SMARCA4: variants seen among roughly 807,000 people sequenced by gnomAD.
SMARCA4 encodes the protein SWI/SNF related BAF chromatin remodeling complex subunit ATPase 4.
A neutral mutation model predicts 193.9 loss-of-function variants in SMARCA4; 31 were observed. The ratio of observed to expected loss-of-function variants is 0.16; its 90% CI spans 0.12 to 0.22. The LOEUF (loss-of-function observed/expected upper bound fraction) is 0.22, where lower values mean the gene tolerates loss of function less well. Ranked by LOEUF, SMARCA4 falls within the 10% of genes least tolerant of loss-of-function variation. The probability of loss-of-function intolerance (pLI) is 1.00; values close to 1 mark genes in which losing one functional copy is unlikely to be tolerated. For synonymous variants in SMARCA4, 942 were observed against 933.1 expected (o/e 1.01, Z -0.17); for missense variants, 1,148 against 2,296.0 (o/e 0.50, Z 10.22).
At position 11,030,936 on chromosome 19, in the gene SMARCA4, T is replaced by C; in HGVS notation, c.3546+43T>C. On this transcript the variant is annotated intron_variant, in intron 25 of 34. Transcript: ENST00000344626. This position sits in a 1 kb window ranked among gnomAD's most constrained non-coding sequence, Gnocchi z 5.5. ...CCCAGGTCGAGGAGAAGGAAGGGGG[T>C]GCCTGCAAAACCTCGAGGAGACGGC... The C allele has an allele frequency of 3.2e-6, 5 of 1,585,040 alleles. No individual in the cohort carries two copies. The highest frequency in any genetic ancestry group is 4.3e-6 in the Non-Finnish European group (5 of 1,163,090).
intron 30 of SMARCA4, among the ~76,000 whole-genome samples, chr19:11,053,820 A>G (rs901528851): frequency 1.3e-5 from 2 of 152,122 alleles, no homozygotes; most frequent in Non-Finnish European, 2.9e-5. Flanking sequence ...CTGAAGCAGT[A>G]GGATCTCATG....
chr19:11,038,321 C>T (rs759063031), intron 29 of SMARCA4, among the ~76,000 whole-genome samples: 1 of 152,150 alleles, frequency 6.6e-6, no homozygotes, highest in African/African-American at 2.4e-5. Context: ...ATTTTTAAAA[C>T]TTAATCCCAA....
chr19:10,977,107 A>G (rs1262410069), intron 1 of SMARCA4, among the ~76,000 whole-genome samples: 1 of 152,146 alleles, frequency 6.6e-6, no homozygotes, highest in African/African-American at 2.4e-5. Context: ...GCAGCCGGCC[A>G]AATCTGTGTG....
intron 1 of SMARCA4, among the ~76,000 whole-genome samples, chr19:10,971,558 A>T: frequency 6.6e-6 from 1 of 150,804 alleles, no homozygotes; most frequent in Admixed American, 6.6e-5. Context: ...ACAGTGGTGC[A>T]ATCATAGCTC....
chr19:11,033,874 G>A lies in SMARCA4; in HGVS notation c.3873+9G>A, dbSNP rs756419673. ...AGGAGCCACCTCTAAAGGTGAGAGG[G>A]GTAGTTCAGTCTCCATGCCCATTCA... On this transcript the variant is annotated intron_variant, in intron 27 of 34. Coordinates refer to ENST00000344626, the MANE Select transcript of SMARCA4 (RefSeq NM_003072.5). This position sits in a 1 kb window ranked among gnomAD's most constrained non-coding sequence, Gnocchi z 9.8. The A allele has an allele frequency of 1.3e-6, 1 of 777,788 alleles. No individual in the cohort carries two copies. The highest frequency in any genetic ancestry group is 1.3e-5 in the South Asian group (1 of 74,534). The allele number at this position is 777,788 out of a possible 1,614,324, so 48.2% of individuals were successfully genotyped here. A position where few individuals can be genotyped will look rare whatever the true frequency, so the allele number is the denominator to read the frequency against.
Position 11,031,606 on chromosome 19 carries a change from A to G in SMARCA4, c.3546+713A>G, listed in dbSNP as rs1447309975. 6.6e-6 allele frequency: 1 copy of G among 152,400 alleles called. No homozygotes were observed. Among genetic ancestry groups the G allele is most frequent in the Non-Finnish European group, 1.5e-5 (1 of 68,254 alleles). The allele number at this position is 152,400 out of a possible 1,614,324, so 9.4% of individuals were successfully genotyped here. On this transcript the variant is annotated intron_variant, in intron 25 of 34. Coordinates refer to ENST00000344626, the MANE Select transcript of SMARCA4 (RefSeq NM_003072.5). This position sits in a 1 kb window ranked among gnomAD's most constrained non-coding sequence, Gnocchi z 4.3. ...TGGCCTAGCATGTGCCTCTTCCACC[A>G]AGCAGTGGGTGTCAACCGCCGAGTG...
At chr19:11,053,870 C>T (rs949046327) in intron 30 of SMARCA4, among the ~76,000 whole-genome samples, 1 of 152,116 alleles carries the variant, frequency 6.6e-6, no homozygotes, top group Non-Finnish European at 1.5e-5. Context: ...AGGATGGCAC[C>T]ACTGCACTCT....
At chr19:10,964,297 G>A (rs982126806) in intron 1 of SMARCA4, among the ~76,000 whole-genome samples, 62 of 151,922 alleles carry the variant, frequency 4.1e-4, no homozygotes, top group African/African-American at 1.5e-3. Context: ...GATGTCTGGT[G>A]GAACTTTCTT....
At chr19:11,023,765 C>T (rs1271852785) in intron 20 of SMARCA4, 134 bp downstream of exon 20, 5 of 707,762 alleles carry the variant, frequency 7.1e-6, no homozygotes, top group East Asian at 2.7e-5. Flanking sequence ...GTGGCGATGA[C>T]GCCACTGGGT....
At position 10,984,275 on chromosome 19, in the gene SMARCA4, A is replaced by G. The variant is rs1060502081; in HGVS notation, c.124A>G (p.Met42Val). ...TCCCTCGCCGGGCTCCGCCCACAGCATGATGGGGCCCAGCCCAGGGCCGCC... is the reference window on the plus strand; with the variant it reads ...TCCCTCGCCGGGCTCCGCCCACAGCGTGATGGGGCCCAGCCCAGGGCCGCC... ...PGPSPGSAHS[M>V]MGPSPGPPSA... The change falls in exon 2 of 35, where the codon ATG becomes GTG. Residue 42 changes from methionine to valine, a missense_variant. Met to Val is a conservative substitution (Grantham distance 21). Coordinates refer to ENST00000344626, the MANE Select transcript of SMARCA4 (RefSeq NM_003072.5). This position sits in a 1 kb window ranked among gnomAD's most constrained non-coding sequence, Gnocchi z 4.3. 1.9e-6 allele frequency: 3 copies of G among 1,611,132 alleles called. No individual in the cohort carries two copies. Among genetic ancestry groups the G allele is most frequent in the South Asian group, 1.1e-5 (1 of 90,700 alleles).
chr19:10,962,239 G>A (rs2083868433), intron 1 of SMARCA4, among the ~76,000 whole-genome samples: 1 of 152,178 alleles, frequency 6.6e-6, no homozygotes. Flanking sequence ...GTGAAAGCCT[G>A]TAAAATGGTT....
chr19:10,981,153 C>G (rs573759495), intron 1 of SMARCA4, among the ~76,000 whole-genome samples: 2 of 152,240 alleles, frequency 1.3e-5, no homozygotes, highest in Non-Finnish European at 2.9e-5. Flanking sequence ...GGCAGTCCTG[C>G]TGTCCCTTTT....
In SMARCA4 at chr19:11,059,842, TGAGGAGGAGGAAGAGGGC is replaced by T; in HGVS notation, c.4734_4751del (p.Glu1579_Glu1584del). The T allele has an allele frequency of 6.2e-7, 1 of 1,612,104 alleles. No homozygotes were observed. The highest frequency in any genetic ancestry group is 8.5e-7 in the Non-Finnish European group (1 of 1,179,312). ...AGGATGACAGTGAAGGCGAGGAGAG[TGAGGAGGAGGAAGAGGGC>T]GAGGAGGAAGGCTCCGAATCCGAAT... On this transcript the variant is annotated inframe_deletion, in exon 33 of 35. Transcript: ENST00000344626.
At chr19:11,028,659 GTCACC>G (rs2090429652) in intron 24 of SMARCA4, among the ~76,000 whole-genome samples, 1 of 152,230 alleles carries the variant, frequency 6.6e-6, no homozygotes, top group African/African-American at 2.4e-5. Flanking sequence ...GATGGGAAAG[GTCACC>G]GCCTGTGTTT....
chr19:10,993,649 TTTG>T (rs1291947357), intron 8 of SMARCA4, among the ~76,000 whole-genome samples: 1 of 152,080 alleles, frequency 6.6e-6, no homozygotes, highest in East Asian at 1.9e-4. Flanking sequence ...CGGTGCTTAG[TTTG>T]TTTTTTTTTT....
At chr19:11,043,532 G>A (rs1289224976) in intron 30 of SMARCA4, among the ~76,000 whole-genome samples, 1 of 151,660 alleles carries the variant, frequency 6.6e-6, no homozygotes, top group African/African-American at 2.4e-5. Flanking sequence ...CACATGCCTG[G>A]GGTCCCCACT....
At chr19:10,992,396 C>CGT (rs1489958743) in intron 8 of SMARCA4, among the ~76,000 whole-genome samples, 2 of 149,830 alleles carry the variant, frequency 1.3e-5, no homozygotes, top group Non-Finnish European at 3.0e-5. Flanking sequence ...AGATGGCAGG[C>CGT]GTAATCCCCC....
chr19:10,987,843 A>G lies in SMARCA4; in HGVS notation c.1037A>G (p.His346Arg). The change falls in exon 6 of 35, where the codon CAC becomes CGC. Residue 346 changes from histidine to arginine, a missense_variant. This residue lies in a region of SMARCA4 where 257 missense variants were observed against 276.5 expected (regional missense o/e 0.93). Coordinates refer to ENST00000344626, the MANE Select transcript of SMARCA4 (RefSeq NM_003072.5). The surrounding 1 kb of genome is among the most constrained non-coding windows in gnomAD (Gnocchi z 5.3). ...PAQPAPMVPL[H>R]QKQSRITPIQ... ...CAGCCCGCGCCCATGGTGCCACTGC[A>G]CCAGAAGCAGAGCCGCATCACCCCC... The G allele has an allele frequency of 6.2e-7, 1 of 1,611,548 alleles. No individual in the cohort carries two copies. The highest frequency in any genetic ancestry group is 1.1e-5 in the South Asian group (1 of 90,800).
intron 20 of SMARCA4, 86 bp downstream of exon 20, chr19:11,023,717 C>A: frequency 1.2e-6 from 1 of 825,284 alleles, no homozygotes; most frequent in Non-Finnish European, 2.1e-6. Flanking sequence ...GGCCTCTCCC[C>A]ACAGTCCCAG....
Sources: allele counts gnomAD v4.1 joint callset (sites outside exome capture counted in the v4.1 genomes callset), GRCh38; gene constraint gnomAD v4.1.1; regional missense constraint gnomAD v4.1.1; non-coding constraint Gnocchi (gnomAD v3.1); transcripts MANE v1.5; gene names NCBI Gene and HGNC (gene_info 2026-07-23, HGNC 2026-07-21).